LAMTOR2: variants seen among roughly 807,000 people sequenced by gnomAD.
The protein encoded by LAMTOR2 is late endosomal/lysosomal adaptor, MAPK and MTOR activator 2.
In LAMTOR2, 4 loss-of-function variants were observed where a neutral mutation model predicts 15.8. The ratio of observed to expected loss-of-function variants is 0.25; its 90% CI spans 0.12 to 0.58. LAMTOR2 has a LOEUF of 0.58. Among genes scored for constraint, LAMTOR2 ranks in the 20% least tolerant of loss-of-function variants. The pLI is 0.91. For synonymous variants in LAMTOR2, 62 were observed against 64.1 expected (o/e 0.97, Z 0.15); for missense variants, 100 against 161.0 (o/e 0.62, Z 2.05).
In LAMTOR2 at chr1:156,055,271, A is replaced by G; in HGVS notation, c.77A>G (p.Asn26Ser). The change falls in exon 2 of 4, where the codon AAT becomes AGT. Residue 26 changes from asparagine to serine, a missense_variant. Physicochemically the swap from Asn to Ser is conservative, Grantham distance 46. Transcript: ENST00000368305. This position sits in a 1 kb window ranked among gnomAD's most constrained non-coding sequence, Gnocchi z 4.8. ...TCCCCGCCCCTCACCAGGCTGCTGA[A>G]TAACGAGGGATCACTGCTGGCCTAC... Reference protein sequence around the residue: ...TGGVQSTLLLNNEGSLLAYSG... With the variant: ...TGGVQSTLLLSNEGSLLAYSG... The G allele has an allele frequency of 6.2e-7, 1 of 1,614,082 alleles. No individual in the cohort carries two copies.
rs1018688755 is a variant in LAMTOR2, at chr1:156,055,676, G to T, written c.231+251G>T. 1.7e-5 allele frequency: 9 copies of T among 543,420 alleles called. No homozygotes were observed. In the African/African-American group the frequency reaches 1.7e-4, roughly 10 times the overall value. The allele number at this position is 543,420 out of a possible 1,614,324, so 33.7% of individuals were successfully genotyped here. The stretch of plus-strand genomic sequence containing the variant: ...CCACTTATCAGTTGTGGAACCTTGG[G>T]TAAGTCGCTTAACCTCTCTCAGCTT... On this transcript the variant is annotated intron_variant, in intron 2 of 3. Coordinates refer to ENST00000368305, the MANE Select transcript of LAMTOR2 (RefSeq NM_014017.4). This position sits in a 1 kb window ranked among gnomAD's most constrained non-coding sequence, Gnocchi z 4.8.
At chr1:156,058,131 C>T in intron 3 of LAMTOR2, 64 bp downstream of exon 3, 2 of 1,541,044 alleles carry the variant, frequency 1.3e-6, no homozygotes, top group South Asian at 2.2e-5. Flanking sequence ...ACTGTGTTCA[C>T]TCCCACCAGG....
At position 156,055,163 on chromosome 1, in the gene LAMTOR2, G is replaced by C; in HGVS notation, c.69-100G>C. The stretch of plus-strand genomic sequence containing the variant: ...CATGTTCCGGGACACGCTCAGGCCA[G>C]AGCCTTGCTGGATGTGCCCTTGGTG... On this transcript the variant is annotated intron_variant, in intron 1 of 3. Coordinates refer to ENST00000368305, the MANE Select transcript of LAMTOR2 (RefSeq NM_014017.4). This position sits in a 1 kb window ranked among gnomAD's most constrained non-coding sequence, Gnocchi z 4.8. The C allele has an allele frequency of 6.5e-7, 1 of 1,537,694 alleles. No individual in the cohort carries two copies. Among genetic ancestry groups the C allele is most frequent in the South Asian group, 1.1e-5 (1 of 89,180 alleles).
chr1:156,057,163 G>A (rs948504171), intron 2 of LAMTOR2, among the ~76,000 whole-genome samples: 10 of 132,266 alleles, frequency 7.6e-5, no homozygotes, highest in South Asian at 7.3e-4. Flanking sequence ...GGGCAACAGA[G>A]CAAGACTCCA....
In LAMTOR2 at chr1:156,055,091, G is replaced by T; in HGVS notation, c.68+134G>T. On this transcript the variant is annotated intron_variant, in intron 1 of 3. Transcript: ENST00000368305. This position sits in a 1 kb window ranked among gnomAD's most constrained non-coding sequence, Gnocchi z 4.8. ...GGGCAGCGGCTGGGGATACCGGCCGGGAGGTCCCCTGTCGAAAAGGGAAGC... is the reference window on the plus strand; with the variant it reads ...GGGCAGCGGCTGGGGATACCGGCCGTGAGGTCCCCTGTCGAAAAGGGAAGC... The T allele has an allele frequency of 7.4e-7, 1 of 1,349,736 alleles. No individual in the cohort carries two copies. 83.6% of individuals were successfully genotyped at this position (1,349,736 alleles called of 1,614,324 possible). A position where few individuals can be genotyped will look rare whatever the true frequency, so the allele number is the denominator to read the frequency against.
intron 3 of LAMTOR2, 75 bp downstream of exon 3, chr1:156,058,142 A>C: frequency 6.6e-7 from 1 of 1,525,030 alleles, no homozygotes. Flanking sequence ...TCCCACCAGG[A>C]CCCTGTTTCT....
In LAMTOR2 at chr1:156,055,038, T is replaced by G. The variant is rs552741770; in HGVS notation, c.68+81T>G. ...TCCCTGAGGGAGGGGTGGGGAAGGA[T>G]CACCAGGAAGGGAGGAAGCGGCAGA... On this transcript the variant is annotated intron_variant, in intron 1 of 3. Transcript: ENST00000368305. This position sits in a 1 kb window ranked among gnomAD's most constrained non-coding sequence, Gnocchi z 4.8. 6.7e-7 allele frequency: 1 copy of G among 1,498,584 alleles called. No individual in the cohort carries two copies. Among genetic ancestry groups the G allele is most frequent in the East Asian group, 2.3e-5 (1 of 42,934 alleles). The allele number at this position is 1,498,584 out of a possible 1,614,324, so 92.8% of individuals were successfully genotyped here. A position where few individuals can be genotyped will look rare whatever the true frequency, so the allele number is the denominator to read the frequency against.
In LAMTOR2 at chr1:156,055,375, A is replaced by C. The variant is rs148776237; in HGVS notation, c.181A>C (p.Asn61His). The change falls in exon 2 of 4, where the codon AAC becomes CAC. Residue 61 changes from asparagine (N) to histidine (H), a missense_variant. By Grantham distance (68) the Asn-to-His change is moderately conservative. Coordinates refer to ENST00000368305, the MANE Select transcript of LAMTOR2 (RefSeq NM_014017.4). This position sits in a 1 kb window ranked among gnomAD's most constrained non-coding sequence, Gnocchi z 4.8. ...CTGGGCCGCCTACGACCGGAACGGG[A>C]ACCAAGCGTTTAATGAAGACAATCT... is the stretch of plus-strand genomic sequence containing the variant. ...NIWAAYDRNG[N>H]QAFNEDNLKF... 17 of 1,614,098 alleles carry C rather than the reference A, an allele frequency of 1.1e-5. No individual in the cohort carries two copies. In the African/African-American group the frequency reaches 1.6e-4, roughly 15 times the overall value.
intron 3 of LAMTOR2, 69 bp downstream of exon 3, chr1:156,058,136 A>C: frequency 6.5e-7 from 1 of 1,531,710 alleles, no homozygotes; most frequent in Non-Finnish European, 9.0e-7. Context: ...GTTCACTCCC[A>C]CCAGGACCCT....
chr1:156,058,017 C>CT lies in LAMTOR2; in HGVS notation c.272dup (p.Cys92ValfsTer48). On this transcript the variant is annotated frameshift_variant, in exon 3 of 4. Transcript: ENST00000368305. LOFTEE classifies it high-confidence loss of function. ...CATCACCCGAGTGGCCAACCTTCTG[C>CT]TGTGTATGTATGCCAAGGAGACCGT... 2 of 1,614,202 alleles carry CT rather than the reference C, an allele frequency of 1.2e-6. No homozygotes were observed. The highest frequency in any genetic ancestry group is 1.7e-6 in the Non-Finnish European group (2 of 1,180,030).
chr1:156,054,999 G>A (rs756549058), intron 1 of LAMTOR2, 42 bp downstream of exon 1: 1 of 1,589,540 alleles, frequency 6.3e-7, no homozygotes, highest in South Asian at 1.1e-5. Flanking sequence ...CGCTGCAGTG[G>A]GGCGGCGCGC....
chr1:156,057,849 T>C, intron 2 of LAMTOR2, 129 bp from the exon 3 acceptor site: 1 of 882,500 alleles, frequency 1.1e-6, no homozygotes, highest in East Asian at 2.6e-5. Context: ...GCTTTTCCGC[T>C]GAACTTCCTG....
Position 156,058,038 on chromosome 1 carries a change from A to T in LAMTOR2, c.292A>T (p.Thr98Ser). 3 of 1,613,976 alleles carry T rather than the reference A, an allele frequency of 1.9e-6. No individual in the cohort carries two copies. The highest frequency in any genetic ancestry group is 2.5e-6 in the Non-Finnish European group (3 of 1,179,986). ...NLLLCMYAKE[T>S]VGFGMLKAKA... ...TCTGCTGTGTATGTATGCCAAGGAGACCGTGGGCTTTGGAATGCTCAAGGC... is the reference window on the plus strand; with the variant it reads ...TCTGCTGTGTATGTATGCCAAGGAGTCCGTGGGCTTTGGAATGCTCAAGGC... The change falls in exon 3 of 4, where the codon ACC becomes TCC. Residue 98 changes from threonine (T) to serine (S), a missense_variant. By Grantham distance (58) the Thr-to-Ser change is moderately conservative. Coordinates refer to ENST00000368305, the MANE Select transcript of LAMTOR2 (RefSeq NM_014017.4).
At position 156,055,180 on chromosome 1, in the gene LAMTOR2, C is replaced by A; in HGVS notation, c.69-83C>A. On this transcript the variant is annotated intron_variant, in intron 1 of 3. Coordinates refer to ENST00000368305, the MANE Select transcript of LAMTOR2 (RefSeq NM_014017.4). The surrounding 1 kb of genome is among the most constrained non-coding windows in gnomAD (Gnocchi z 4.8). ...TCAGGCCAGAGCCTTGCTGGATGTG[C>A]CCTTGGTGGGACTTGGGATGGAAAC... 6.4e-7 allele frequency: 1 copy of A among 1,570,420 alleles called. No individual in the cohort carries two copies. Among genetic ancestry groups the A allele is most frequent in the Non-Finnish European group, 8.7e-7 (1 of 1,147,076 alleles).
At chr1:156,057,212 G>C (rs1004093210) in intron 2 of LAMTOR2, among the ~76,000 whole-genome samples, 98 of 149,838 alleles carry the variant, frequency 6.5e-4, no homozygotes, top group African/African-American at 2.3e-3. Flanking sequence ...ACATTTTAAG[G>C]CTGAGCACAG....
At chr1:156,057,056 T>C (rs1402166358) in intron 2 of LAMTOR2, among the ~76,000 whole-genome samples, 2 of 150,410 alleles carry the variant, frequency 1.3e-5, no homozygotes, top group Non-Finnish European at 2.9e-5. Context: ...TGCGTGCCTG[T>C]AATCCCAGCC....
chr1:156,057,889 G>A (rs1647425899), intron 2 of LAMTOR2, 89 bp from the exon 3 acceptor site: 1 of 1,238,462 alleles, frequency 8.1e-7, no homozygotes, highest in Non-Finnish European at 1.2e-6. Flanking sequence ...GGAAGATATA[G>A]TCTCTCTGGG....
Position 156,055,697 on chromosome 1 carries a change from A to C in LAMTOR2, c.231+272A>C, listed in dbSNP as rs1572287272. The C allele has an allele frequency of 2.0e-6, 1 of 507,186 alleles. No homozygotes were observed. The allele number at this position is 507,186 out of a possible 1,614,324, so 31.4% of individuals were successfully genotyped here. On this transcript the variant is annotated intron_variant, in intron 2 of 3. Coordinates refer to ENST00000368305, the MANE Select transcript of LAMTOR2 (RefSeq NM_014017.4). The surrounding 1 kb of genome is among the most constrained non-coding windows in gnomAD (Gnocchi z 4.8). ...TTGGGTAAGTCGCTTAACCTCTCTC[A>C]GCTTCCTTACCTCATGTTTAAGGAG...
At position 156,058,232 on chromosome 1, in the gene LAMTOR2, C is replaced by T. The variant is rs1386426085; in HGVS notation, c.322-83C>T. On this transcript the variant is annotated intron_variant, in intron 3 of 3. Coordinates refer to ENST00000368305, the MANE Select transcript of LAMTOR2 (RefSeq NM_014017.4). ...GGTGGGGGTTGGGGGCTGGTTGCTT[C>T]CTATGGCACTGGGAGCAGACCTGGA... 4 of 1,589,192 alleles carry T rather than the reference C, an allele frequency of 2.5e-6. No individual in the cohort carries two copies. In the African/African-American group the frequency reaches 4.0e-5, roughly 16 times the overall value.
Sources: gnomAD v4.1 joint callset for allele counts (sites outside exome capture counted in the v4.1 genomes callset) on GRCh38, gnomAD v4.1.1 for gene constraint, Gnocchi (gnomAD v3.1) non-coding constraint, MANE v1.5 for transcripts, NCBI Gene and HGNC (gene_info 2026-07-23, HGNC 2026-07-21) for gene names.